The following KIAA1549L variants were observed in gnomAD, a reference collection of about 807,000 sequenced individuals.
KIAA1549L encodes KIAA1549 like, also known as UPF0606 protein KIAA1549L.
In KIAA1549L, 88 loss-of-function variants were observed where a neutral mutation model predicts 160.7. The observed-to-expected ratio is 0.55, with a 90% CI of 0.46 to 0.65. KIAA1549L has a LOEUF of 0.65. Among genes scored for constraint, KIAA1549L ranks in the 30% least tolerant of loss-of-function variants. The pLI, the probability that KIAA1549L is intolerant of heterozygous loss-of-function variation, is 0.00. For missense variants in KIAA1549L, 2,258 were observed against 2,437.5 expected, an observed-to-expected ratio of 0.93 and a Z score of 1.55; for synonymous variants, 950 against 976.7, an observed-to-expected ratio of 0.97 and a Z score of 0.51.
rs190141883 is a variant in KIAA1549L at position 33,587,814 on chromosome 11, A to G, written c.4567-3423A>G. Among the ~76,000 whole-genome samples, 8 of 152,312 alleles carry G rather than the reference A, an allele frequency of 5.3e-5. No homozygotes were observed. In the East Asian group the frequency reaches 1.4e-3, roughly 26 times the overall value. ...GGGACCAGAGCCAGCTTTCCCTATCATTAGGTTCTTGGGAAGTCTTAGCTG... is the reference window on the plus strand; with the variant it reads ...GGGACCAGAGCCAGCTTTCCCTATCGTTAGGTTCTTGGGAAGTCTTAGCTG... On this transcript the variant is annotated intron_variant, in intron 11 of 20. Transcript: ENST00000658780.
intron 16 of KIAA1549L, among the ~76,000 whole-genome samples, chr11:33,642,621 G>C (rs767896536): frequency 6.6e-6 from 1 of 152,106 alleles, no homozygotes; most frequent in South Asian, 2.1e-4. Context: ...GGTTATGACA[G>C]AGCAGGTAAT....
intron 1 of KIAA1549L, among the ~76,000 whole-genome samples, chr11:33,398,891 G>A (rs1384478206): frequency 6.6e-6 from 1 of 150,996 alleles, no homozygotes; most frequent in Non-Finnish European, 1.5e-5. Flanking sequence ...TTAATAATCA[G>A]TTATAGTCTG....
chr11:33,508,755 C>G (rs1853155136), intron 1 of KIAA1549L, among the ~76,000 whole-genome samples: 1 of 152,176 alleles, frequency 6.6e-6, no homozygotes. Flanking sequence ...CTTGAAAATC[C>G]CTTTGAGACC....
At chr11:33,514,597 G>A (rs1473729) in intron 1 of KIAA1549L, among the ~76,000 whole-genome samples, 31,768 of 152,220 alleles carry the variant, frequency 0.21, 3,506 homozygotes, top group East Asian at 0.33. Flanking sequence ...CTTTGCCTAA[G>A]CACTTCCTGG....
intron 1 of KIAA1549L, among the ~76,000 whole-genome samples, chr11:33,384,009 T>G (rs1305237774): frequency 6.6e-6 from 1 of 152,252 alleles, no homozygotes; most frequent in African/African-American, 2.4e-5. Flanking sequence ...AAATTCATCC[T>G]TTGTAGGTGT....
chr11:33,435,812 G>GTATATATATA (rs1851358942), intron 1 of KIAA1549L, among the ~76,000 whole-genome samples: 4 of 12,626 alleles, frequency 3.2e-4, no homozygotes, highest in African/African-American at 8.0e-4. Flanking sequence ...ATATATATAT[G>GTATATATATA]TGTGTGTATA....
intron 16 of KIAA1549L, among the ~76,000 whole-genome samples, chr11:33,643,400 A>G (rs368923537): frequency 6.6e-6 from 1 of 152,208 alleles, no homozygotes; most frequent in African/African-American, 2.4e-5. Context: ...GCTAAGGAGT[A>G]TGCTTTTGCC....
intron 1 of KIAA1549L, among the ~76,000 whole-genome samples, chr11:33,467,059 G>A (rs910360660): frequency 3.3e-5 from 5 of 152,088 alleles, no homozygotes; most frequent in African/African-American, 7.2e-5. Flanking sequence ...CCTGGCACAC[G>A]TATACTTATG....
At chr11:33,557,490 C>G (rs1854689096) in intron 6 of KIAA1549L, among the ~76,000 whole-genome samples, 1 of 152,014 alleles carries the variant, frequency 6.6e-6, no homozygotes, top group Non-Finnish European at 1.5e-5. Context: ...GGGGAAGAGG[C>G]TAAACCACAT....
intron 1 of KIAA1549L, among the ~76,000 whole-genome samples, chr11:33,406,227 A>G (rs2134077256): frequency 6.6e-6 from 1 of 152,284 alleles, no homozygotes; most frequent in Non-Finnish European, 1.5e-5. Context: ...GAGAAGAGGG[A>G]AAAAAATTAA....
chr11:33,530,439 ATATATATAT>A (rs1853738308), intron 1 of KIAA1549L, among the ~76,000 whole-genome samples: 5 of 3,736 alleles, frequency 1.3e-3, no homozygotes, highest in Non-Finnish European at 2.5e-3. Context: ...AAAAAAAAAT[ATATATATAT>A]ATATATATAT....
rs1454335069 is a variant in KIAA1549L at position 33,376,150 on chromosome 11, C to A, written c.-502C>A. On this transcript the variant is annotated 5_prime_UTR_variant, in exon 1 of 21. Coordinates refer to ENST00000658780, the MANE Select transcript of KIAA1549L (RefSeq NM_012194.3). This position sits in a 1 kb window ranked among gnomAD's most constrained non-coding sequence, Gnocchi z 5.8. ...CTGAGCTGCGGTAGCACTCGCGGCCCGGGAACCCGAGCCGGAGCCGGGGCT... is the reference window on the plus strand; with the variant it reads ...CTGAGCTGCGGTAGCACTCGCGGCCAGGGAACCCGAGCCGGAGCCGGGGCT... Among the ~76,000 whole-genome samples, 1 of 149,650 alleles carries A rather than the reference C, an allele frequency of 6.7e-6. No homozygotes were observed. The highest frequency in any genetic ancestry group is 1.5e-5 in the Non-Finnish European group (1 of 67,158).
intron 1 of KIAA1549L, among the ~76,000 whole-genome samples, chr11:33,416,959 AT>A (rs1460973634): frequency 6.6e-5 from 10 of 152,326 alleles, no homozygotes; most frequent in African/African-American, 2.4e-4. Flanking sequence ...ATCAGGTGAC[AT>A]TAGAGGGGTC....
intron 17 of KIAA1549L, among the ~76,000 whole-genome samples, chr11:33,650,355 G>C (rs943622085): frequency 8.5e-5 from 13 of 152,210 alleles, no homozygotes; most frequent in African/African-American, 2.7e-4. Context: ...GGAGAGGAAG[G>C]CTGGAGAATC....
In KIAA1549L at chr11:33,418,824, G is replaced by A. The variant is rs117278766; in HGVS notation, c.238+41935G>A. 6.9e-3 allele frequency among the ~76,000 whole-genome samples: 1,047 copies of A among 152,188 alleles called. 7 individuals carry two copies. Among genetic ancestry groups the A allele is most frequent in the Middle Eastern group, 0.038 (11 of 292 alleles). On this transcript the variant is annotated intron_variant, in intron 1 of 20. Coordinates refer to ENST00000658780, the MANE Select transcript of KIAA1549L (RefSeq NM_012194.3). ...GCATTGAAGGACATCCTGTTTCTAG[G>A]GGGAGCTGGAAAAGAGCCTGGGCTG... is the stretch of plus-strand genomic sequence containing the variant.
At chr11:33,536,977 A>T (rs1360274770) in intron 1 of KIAA1549L, among the ~76,000 whole-genome samples, 1 of 152,078 alleles carries the variant, frequency 6.6e-6, no homozygotes, top group Non-Finnish European at 1.5e-5. Flanking sequence ...CACCAAACTA[A>T]AACCTACAAA....
chr11:33,431,494 C>T (rs549896008), intron 1 of KIAA1549L, among the ~76,000 whole-genome samples: 4 of 152,296 alleles, frequency 2.6e-5, no homozygotes, highest in African/African-American at 9.6e-5. Flanking sequence ...CAAGGCCCCA[C>T]CAGAGTAGCT....
At chr11:33,388,926 A>G (rs1259820361) in intron 1 of KIAA1549L, among the ~76,000 whole-genome samples, 1 of 152,240 alleles carries the variant, frequency 6.6e-6, no homozygotes, top group African/African-American at 2.4e-5. Context: ...AAGGCCAAGT[A>G]GCTTCCTCAA....
intron 16 of KIAA1549L, among the ~76,000 whole-genome samples, chr11:33,633,513 G>A (rs944599602): frequency 6.6e-6 from 1 of 152,102 alleles, no homozygotes; most frequent in Non-Finnish European, 1.5e-5. Flanking sequence ...ATGGCGGGGA[G>A]AGCCTGTTTG....
Sources: allele counts gnomAD v4.1 joint callset (sites outside exome capture counted in the v4.1 genomes callset), GRCh38; gene constraint gnomAD v4.1.1; non-coding constraint Gnocchi (gnomAD v3.1); transcripts MANE v1.5; gene names NCBI Gene and HGNC (gene_info 2026-07-23, HGNC 2026-07-21).